Variants in DYNC2I1 observed in about 807,000 individuals in gnomAD.
The protein encoded by DYNC2I1 is dynein 2 intermediate chain 1.
Under a neutral mutation model 133.4 loss-of-function variants are expected in DYNC2I1, and 89 were observed. The observed-to-expected ratio is 0.67, with a 90% CI of 0.56 to 0.80. The LOEUF is 0.80. Ranked by LOEUF, DYNC2I1 falls within the 30% of genes least tolerant of loss-of-function variation. The probability of loss-of-function intolerance (pLI) is 0.00; values close to 1 mark genes in which losing one functional copy is unlikely to be tolerated. For synonymous variants in DYNC2I1, 504 were observed against 484.3 expected, an observed-to-expected ratio of 1.04 and a Z score of -0.54; for missense variants, 1,291 against 1,314.5, an observed-to-expected ratio of 0.98 and a Z score of 0.28.
intron 4 of DYNC2I1, among the ~76,000 whole-genome samples, chr7:158,955,935 C>G (rs762643696): frequency 6.6e-6 from 1 of 152,148 alleles, no homozygotes; most frequent in Admixed American, 6.5e-5. Flanking sequence ...AGGGGTTGGG[C>G]GATCTGGCAG....
intron 4 of DYNC2I1, among the ~76,000 whole-genome samples, chr7:158,952,536 CAGTA>C: frequency 6.7e-6 from 1 of 149,748 alleles, no homozygotes; most frequent in South Asian, 2.2e-4. Context: ...TACAGCCTGA[CAGTA>C]AAAGCAGAAA....
At chr7:158,906,448 A>G (rs948921368) in intron 11 of DYNC2I1, among the ~76,000 whole-genome samples, 4 of 152,184 alleles carry the variant, frequency 2.6e-5, no homozygotes, top group South Asian at 4.1e-4. Context: ...AATGAAAAAA[A>G]TAAATATTTT....
intron 8 of DYNC2I1, among the ~76,000 whole-genome samples, chr7:158,896,352 A>G (rs1845763425): frequency 6.6e-6 from 1 of 151,974 alleles, no homozygotes; most frequent in South Asian, 2.1e-4. Context: ...TGATCTTATG[A>G]TTTTTCTCTT....
downstream of DYNC2I1, among the ~76,000 whole-genome samples, chr7:158,947,562 TA>T (rs1851926724): frequency 6.6e-6 from 1 of 152,188 alleles, no homozygotes; most frequent in South Asian, 2.1e-4. Flanking sequence ...AACTGCTCAG[TA>T]AATCAGCTCA....
At chr7:158,911,751 G>T in intron 12 of DYNC2I1, 72 bp downstream of exon 12, 1 of 1,498,626 alleles carries the variant, frequency 6.7e-7, no homozygotes, top group Non-Finnish European at 9.0e-7. Context: ...GTGTCTTCCT[G>T]AATAATGTTC....
At position 158,856,628 on chromosome 7, in the gene DYNC2I1, C is replaced by A. The variant is rs990834749; in HGVS notation, c.-108C>A. On this transcript the variant is annotated 5_prime_UTR_variant, in exon 1 of 25. Transcript: ENST00000407559. The stretch of plus-strand genomic sequence containing the variant: ...CTGCTCCTGCTTGTCGGTTGCTAGG[C>A]GCTGGGACGCGCCTCCCGAAGGGTG... 5.5e-5 allele frequency: 63 copies of A among 1,142,918 alleles called. No homozygotes were observed. The highest frequency in any genetic ancestry group is 8.5e-5 in the Admixed American group (2 of 23,500). 70.8% of individuals were successfully genotyped at this position (1,142,918 alleles called of 1,614,324 possible). A position where few individuals can be genotyped will look rare whatever the true frequency, so the allele number is the denominator to read the frequency against.
chr7:158,852,421 G>GT (rs575894962), upstream of DYNC2I1, among the ~76,000 whole-genome samples: 259 of 151,714 alleles, frequency 1.7e-3, 1 homozygote, highest in Middle Eastern at 6.8e-3. Flanking sequence ...CGCCCGGCCT[G>GT]TAAGCGCTGG....
intron 1 of DYNC2I1, among the ~76,000 whole-genome samples, chr7:158,857,783 C>A (rs2129475504): frequency 7.5e-6 from 1 of 132,994 alleles, no homozygotes; most frequent in East Asian, 2.5e-4. Flanking sequence ...TGAGCCACTG[C>A]ACCCGGCCTT....
chr7:158,957,492 A>G (rs1483542027), downstream of DYNC2I1, among the ~76,000 whole-genome samples: 4 of 152,242 alleles, frequency 2.6e-5, no homozygotes, highest in Non-Finnish European at 4.4e-5. Flanking sequence ...ACAGAATATG[A>G]AAGTGGGTAG....
chr7:158,844,278 C>T, the DYNC2I1 span, among the ~76,000 whole-genome samples: 30 of 152,144 alleles, frequency 2.0e-4, no homozygotes. Context: ...CCTCTCCTCT[C>T]TTGTGTTCGT....
intron 3 of DYNC2I1, among the ~76,000 whole-genome samples, chr7:158,874,664 G>A (rs1188764009): frequency 1.3e-5 from 2 of 151,874 alleles, no homozygotes; most frequent in East Asian, 3.9e-4. Context: ...CCAGGGCTGG[G>A]TCCCCAGGCC....
chr7:158,943,342 C>T (rs112566424), intron 24 of DYNC2I1, among the ~76,000 whole-genome samples: 4 of 152,172 alleles, frequency 2.6e-5, no homozygotes, highest in Non-Finnish European at 4.4e-5. Flanking sequence ...GTGTGCCTGG[C>T]GGCCGGGGCT....
intron 20 of DYNC2I1, among the ~76,000 whole-genome samples, chr7:158,929,478 G>C (rs1585208414): frequency 6.6e-6 from 1 of 152,104 alleles, no homozygotes; most frequent in South Asian, 2.1e-4. Context: ...GCTATGGCGT[G>C]TAGGGGCCAG....
At chr7:158,856,841 G>C (rs923899152) in intron 1 of DYNC2I1, 91 bp downstream of exon 1, 290 of 1,210,866 alleles carry the variant, frequency 2.4e-4, no homozygotes, top group Non-Finnish European at 2.8e-4. Context: ...CCCTCCCTTT[G>C]CGCAGCGGTT....
In DYNC2I1 at chr7:158,871,300, TA is replaced by T. The variant is rs2129477464; in HGVS notation, c.230del (p.Lys77ArgfsTer28). On this transcript the variant is annotated frameshift_variant, in exon 3 of 25. Transcript: ENST00000407559. LOFTEE classifies it high-confidence loss of function. ...RDRVAEVHTA[K>X]ESPRGERDRD... Reference sequence around the variant, plus strand: ...ACAGGGTGGCCGAAGTCCACACCGCTAAGGAGAGTCCTCGTGGGGAGAGGGA... The same window carrying T: ...ACAGGGTGGCCGAAGTCCACACCGCTAGGAGAGTCCTCGTGGGGAGAGGGA... 1 of 1,578,158 alleles carries T rather than the reference TA, an allele frequency of 6.3e-7. No homozygotes were observed. Among genetic ancestry groups the T allele is most frequent in the Non-Finnish European group, 8.6e-7 (1 of 1,161,412 alleles).
Position 158,945,992 on chromosome 7 carries a change from T to A in DYNC2I1, c.*213T>A. The A allele has an allele frequency of 2.1e-6, 1 of 475,186 alleles. No homozygotes were observed. The highest frequency in any genetic ancestry group is 3.8e-5 in the East Asian group (1 of 26,302). The allele number at this position is 475,186 out of a possible 1,614,324, so 29.4% of individuals were successfully genotyped here. A position where few individuals can be genotyped will look rare whatever the true frequency, so the allele number is the denominator to read the frequency against. On this transcript the variant is annotated 3_prime_UTR_variant, in exon 25 of 25. Coordinates refer to ENST00000407559, the MANE Select transcript of DYNC2I1 (RefSeq NM_018051.5). This position sits in a 1 kb window ranked among gnomAD's most constrained non-coding sequence, Gnocchi z 4.1. Reference sequence around the variant, plus strand: ...AAGAACATTCTAGCATTTACAAAACTTCCAGGGGAATGTAGAGCCACGTCC... The same window carrying A: ...AAGAACATTCTAGCATTTACAAAACATCCAGGGGAATGTAGAGCCACGTCC...
intron 8 of DYNC2I1, among the ~76,000 whole-genome samples, chr7:158,897,279 G>A (rs1845846991): frequency 1.3e-5 from 2 of 152,170 alleles, no homozygotes; most frequent in East Asian, 3.8e-4. Context: ...TATTACAGGT[G>A]TGAGCTACCG....
intron 1 of DYNC2I1, among the ~76,000 whole-genome samples, chr7:158,858,104 A>AT (rs998540047): frequency 3.3e-5 from 5 of 151,956 alleles, no homozygotes; most frequent in South Asian, 2.1e-4. Flanking sequence ...CTTAGATAGT[A>AT]TTTTTTAACT....
At chr7:158,911,514 A>G (rs1272486730) in intron 11 of DYNC2I1, 36 bp from the exon 12 acceptor site, 2 of 1,605,118 alleles carry the variant, frequency 1.2e-6, no homozygotes, top group Non-Finnish European at 8.5e-7. Context: ...ATATTATTCG[A>G]GTTAATTTTT....
Sources: gnomAD v4.1 joint callset for allele counts (sites outside exome capture counted in the v4.1 genomes callset) on GRCh38, gnomAD v4.1.1 for gene constraint, Gnocchi (gnomAD v3.1) non-coding constraint, MANE v1.5 for transcripts, NCBI Gene and HGNC (gene_info 2026-07-23, HGNC 2026-07-21) for gene names.